The following ARFIP1 variants were observed in gnomAD, a reference collection of about 807,000 sequenced individuals.
ARFIP1 encodes the protein ARF interacting protein 1.
Under a neutral mutation model 42.5 loss-of-function variants are expected in ARFIP1, and 24 were observed. That is an observed-to-expected ratio of 0.57 (90% CI 0.41 to 0.80). ARFIP1 has a LOEUF of 0.80. ARFIP1 is among the 30% of genes least tolerant of loss of function. The pLI, the probability that ARFIP1 is intolerant of heterozygous loss-of-function variation, is 0.00. For synonymous variants in ARFIP1, 141 were observed against 153.7 expected (o/e 0.92, Z 0.61); for missense variants, 354 against 434.0 (o/e 0.82, Z 1.64).
rs549213206 is a variant in ARFIP1, at chr4:152,790,566, A to G, written c.-10+10340A>G. Among the ~76,000 whole-genome samples, 3 of 152,344 alleles carry G rather than the reference A, an allele frequency of 2.0e-5. No homozygotes were observed. The South Asian group carries it at 6.2e-4, about 32-fold the overall frequency. On this transcript the variant is annotated intron_variant, in intron 1 of 8. Transcript: ENST00000353617. ...GAAATTTAAAAAGACTTCTGCAGAC[A>G]GTCAGTTTTGTTACCTAAGAGTTGG...
At chr4:152,807,464 T>G (rs1488298641) in intron 1 of ARFIP1, among the ~76,000 whole-genome samples, 1 of 152,176 alleles carries the variant, frequency 6.6e-6, no homozygotes, top group Non-Finnish European at 1.5e-5. Flanking sequence ...GTTATAGTGG[T>G]TATGTAGTGG....
At chr4:152,799,168 T>G (rs1202767037) in intron 1 of ARFIP1, among the ~76,000 whole-genome samples, 1 of 152,238 alleles carries the variant, frequency 6.6e-6, no homozygotes, top group African/African-American at 2.4e-5. Flanking sequence ...GCCAAATAAT[T>G]TTTCTGAATT....
intron 7 of ARFIP1, 103 bp downstream of exon 7, chr4:152,882,983 C>A (rs879187239): frequency 8.0e-7 from 1 of 1,247,206 alleles, no homozygotes; most frequent in Non-Finnish European, 1.1e-6. Flanking sequence ...CCAATATGGG[C>A]AGGAAAAAAA....
intron 2 of ARFIP1, among the ~76,000 whole-genome samples, chr4:152,861,834 A>G (rs1449887979): frequency 6.6e-6 from 1 of 152,124 alleles, no homozygotes; most frequent in Non-Finnish European, 1.5e-5. Flanking sequence ...ATTTTCATTA[A>G]AAGTTTGTAT....
chr4:152,803,534 G>A (rs2149824737), intron 1 of ARFIP1, among the ~76,000 whole-genome samples: 1 of 152,276 alleles, frequency 6.6e-6, no homozygotes, highest in African/African-American at 2.4e-5. Flanking sequence ...ATGGTGGGTG[G>A]TGGGGAGGTG....
At chr4:152,790,172 TA>T (rs1378760545) in intron 1 of ARFIP1, among the ~76,000 whole-genome samples, 2 of 152,218 alleles carry the variant, frequency 1.3e-5, no homozygotes, top group Non-Finnish European at 2.9e-5. Context: ...CATTTTTCAT[TA>T]AAAAAATTAC....
intron 2 of ARFIP1, among the ~76,000 whole-genome samples, chr4:152,843,348 G>T (rs1026054599): frequency 6.6e-6 from 1 of 152,144 alleles, no homozygotes; most frequent in Non-Finnish European, 1.5e-5. Context: ...ACTCCATGAG[G>T]GTCCTTAGCT....
chr4:152,808,521 A>G lies in ARFIP1; in HGVS notation c.-9-21104A>G, dbSNP rs75080060. Among the ~76,000 whole-genome samples, 274 of 151,644 alleles carry G rather than the reference A, an allele frequency of 1.8e-3. 1 individual carries two copies. Among genetic ancestry groups the G allele is most frequent in the African/African-American group, 6.5e-3 (270 of 41,368 alleles). On this transcript the variant is annotated intron_variant, in intron 1 of 8. Transcript: ENST00000353617. The stretch of plus-strand genomic sequence containing the variant: ...TTCCTAGGAGTGGAATTGCTGGGTT[A>G]TAGGATAGTCGTATGTTTAACTCAA...
At chr4:152,792,113 T>C (rs1420273975) in intron 1 of ARFIP1, among the ~76,000 whole-genome samples, 1 of 152,160 alleles carries the variant, frequency 6.6e-6, no homozygotes, top group Non-Finnish European at 1.5e-5. Flanking sequence ...CTAAAGAAAC[T>C]AAGCAAAATC....
intron 1 of ARFIP1, among the ~76,000 whole-genome samples, chr4:152,800,932 A>G: frequency 6.6e-6 from 1 of 152,282 alleles, no homozygotes; most frequent in South Asian, 2.1e-4. Flanking sequence ...CGTGGGTACA[A>G]TTTGAACTAC....
At chr4:152,834,898 C>T (rs997547998) in intron 2 of ARFIP1, among the ~76,000 whole-genome samples, 1 of 152,198 alleles carries the variant, frequency 6.6e-6, no homozygotes, top group East Asian at 1.9e-4. Context: ...ATGGAAGCTG[C>T]CAAGACATAT....
intron 1 of ARFIP1, among the ~76,000 whole-genome samples, chr4:152,812,285 C>G (rs1729531539): frequency 6.6e-6 from 1 of 152,202 alleles, no homozygotes; most frequent in African/African-American, 2.4e-5. Context: ...ACTGTGACCT[C>G]CCTGGGTTAA....
intron 5 of ARFIP1, among the ~76,000 whole-genome samples, chr4:152,873,471 A>G (rs1359815446): frequency 1.3e-5 from 2 of 152,242 alleles, no homozygotes; most frequent in South Asian, 2.1e-4. Flanking sequence ...TGTTACATGA[A>G]TCTGTCCAAA....
At chr4:152,872,419 T>C (rs753261089) in intron 4 of ARFIP1, 33 bp from the exon 5 acceptor site, 2 of 1,390,676 alleles carry the variant, frequency 1.4e-6, no homozygotes, top group Non-Finnish European at 2.0e-6. Flanking sequence ...TGTCTTCATC[T>C]GGATTGTGTT....
At chr4:152,863,491 C>T in intron 2 of ARFIP1, 115 bp from the exon 3 acceptor site, 1 of 606,258 alleles carries the variant, frequency 1.6e-6, no homozygotes, top group Admixed American at 2.8e-5. Flanking sequence ...GGGAATACCG[C>T]ATAGCAGAGA....
In ARFIP1 at chr4:152,911,289, G is replaced by A. The variant is rs932035988; in HGVS notation, c.*1070G>A. 3 of 152,702 alleles carry A rather than the reference G, an allele frequency of 2.0e-5. No individual in the cohort carries two copies. Among genetic ancestry groups the A allele is most frequent in the Middle Eastern group, 3.4e-3 (1 of 294 alleles). 9.5% of individuals were successfully genotyped at this position (152,702 alleles called of 1,614,324 possible). A position where few individuals can be genotyped will look rare whatever the true frequency, so the allele number is the denominator to read the frequency against. ...TTGTTAAGCCACATTTGAGGTTTATGGTAAAAATCATCTTTTGAGTTTGCT... is the reference window on the plus strand; with the variant it reads ...TTGTTAAGCCACATTTGAGGTTTATAGTAAAAATCATCTTTTGAGTTTGCT... On this transcript the variant is annotated 3_prime_UTR_variant, in exon 9 of 9. Transcript: ENST00000353617.
intron 8 of ARFIP1, among the ~76,000 whole-genome samples, chr4:152,892,860 C>T (rs921054251): frequency 2.0e-5 from 3 of 152,120 alleles, no homozygotes; most frequent in Admixed American, 6.5e-5. Flanking sequence ...TTTACTAAAC[C>T]ACATTGAGTT....
intron 1 of ARFIP1, among the ~76,000 whole-genome samples, chr4:152,807,744 AGAG>A (rs1729100173): frequency 6.6e-6 from 1 of 151,788 alleles, no homozygotes; most frequent in South Asian, 2.1e-4. Flanking sequence ...TCTTTTGAAA[AGAG>A]GTTTTTAATT....
intron 1 of ARFIP1, among the ~76,000 whole-genome samples, chr4:152,814,333 A>G (rs1178943651): frequency 6.6e-6 from 1 of 152,050 alleles, no homozygotes; most frequent in Non-Finnish European, 1.5e-5. Context: ...GGCTCAAGCC[A>G]TCCACCCATC....
Sources: allele counts gnomAD v4.1 joint callset (sites outside exome capture counted in the v4.1 genomes callset), GRCh38; gene constraint gnomAD v4.1.1; transcripts MANE v1.5; gene names NCBI Gene and HGNC (gene_info 2026-07-23, HGNC 2026-07-21).